PTPRR: variants seen among roughly 807,000 people sequenced by gnomAD.
The protein encoded by PTPRR is receptor-type tyrosine-protein phosphatase R.
Under a neutral mutation model 77.2 loss-of-function variants are expected in PTPRR, and 38 were observed. The observed-to-expected ratio is 0.49, with a 90% CI of 0.38 to 0.65. The LOEUF is 0.65. Among genes scored for constraint, PTPRR ranks in the 30% least tolerant of loss-of-function variants. The pLI, the probability that PTPRR is intolerant of heterozygous loss-of-function variation, is 0.00. For missense variants in PTPRR, 744 were observed against 799.2 expected, an observed-to-expected ratio of 0.93 and a Z score of 0.83; for synonymous variants, 299 against 283.1, an observed-to-expected ratio of 1.06 and a Z score of -0.57.
chr12:70,914,850 C>CAACAAA (rs1440442265), intron 1 of PTPRR, among the ~76,000 whole-genome samples: 2 of 151,826 alleles, frequency 1.3e-5, no homozygotes, highest in Admixed American at 1.3e-4. Flanking sequence ...ACAACAACAA[C>CAACAAA]AACAAAAACA....
intron 2 of PTPRR, among the ~76,000 whole-genome samples, chr12:70,863,869 T>A (rs1226741388): frequency 1.3e-5 from 2 of 152,162 alleles, no homozygotes; most frequent in Admixed American, 1.3e-4. Flanking sequence ...AACTCTTGGT[T>A]GCCTGTGATC....
At position 70,890,779 on chromosome 12, in the gene PTPRR, A is replaced by G. The variant is rs1319465271; in HGVS notation, c.357+1900T>C. 2.6e-5 allele frequency among the ~76,000 whole-genome samples: 4 copies of G among 152,110 alleles called. No homozygotes were observed. In the East Asian group the frequency reaches 7.7e-4, roughly 29 times the overall value. The stretch of plus-strand genomic sequence containing the variant: ...TCATGTACATATGATAAGCACAAAC[A>G]CACATCAATTATTCCATTAAAGTCA... On this transcript the variant is annotated intron_variant, in intron 2 of 13. Coordinates refer to ENST00000283228, the MANE Select transcript of PTPRR (RefSeq NM_002849.4).
chr12:70,844,445 C>T (rs561809365), intron 2 of PTPRR, among the ~76,000 whole-genome samples: 1 of 152,140 alleles, frequency 6.6e-6, no homozygotes, highest in South Asian at 2.1e-4. Context: ...GATCATATCA[C>T]ATAAGAAGGT....
intron 2 of PTPRR, among the ~76,000 whole-genome samples, chr12:70,841,488 T>C (rs1418864873): frequency 6.6e-6 from 1 of 152,110 alleles, no homozygotes; most frequent in Non-Finnish European, 1.5e-5. Flanking sequence ...TTCTAGAACT[T>C]AAGTCTCACA....
chr12:70,898,440 CATT>C (rs1249337578), intron 1 of PTPRR, among the ~76,000 whole-genome samples: 1 of 149,632 alleles, frequency 6.7e-6, no homozygotes, highest in Admixed American at 6.7e-5. Context: ...TTTTCATCAT[CATT>C]TAGTCTTTTT....
chr12:70,714,564 T>TTA (rs894684803), intron 6 of PTPRR, among the ~76,000 whole-genome samples: 117 of 152,216 alleles, frequency 7.7e-4, no homozygotes, highest in African/African-American at 2.8e-3. Context: ...AAATGCACAA[T>TTA]TATATATATA....
At chr12:70,672,780 A>G (rs571059648) in intron 10 of PTPRR, 34 of 1,559,784 alleles carry the variant, frequency 2.2e-5, no homozygotes, top group Non-Finnish European at 2.8e-5. Flanking sequence ...TATTCAGGAA[A>G]CCTTCTGTCT....
At chr12:70,655,806 G>T (rs1886554191) in intron 13 of PTPRR, among the ~76,000 whole-genome samples, 1 of 152,146 alleles carries the variant, frequency 6.6e-6, no homozygotes, top group African/African-American at 2.4e-5. Context: ...CCAGAGATTG[G>T]TTGTACAACA....
rs569315059 is a variant in PTPRR at position 70,869,805 on chromosome 12, G to A, written c.357+22874C>T. Reference sequence around the variant, plus strand: ...AACCAATTTTTCCCCTAGAATCTCCGGAAGGAATTAGCCTTGTAGACACCT... The same window carrying A: ...AACCAATTTTTCCCCTAGAATCTCCAGAAGGAATTAGCCTTGTAGACACCT... On this transcript the variant is annotated intron_variant, in intron 2 of 13. Coordinates refer to ENST00000283228, the MANE Select transcript of PTPRR (RefSeq NM_002849.4). Among the ~76,000 whole-genome samples, 81 of 152,218 alleles carry A rather than the reference G, an allele frequency of 5.3e-4. 1 individual carries two copies. The highest frequency in any genetic ancestry group is 1.7e-3 in the African/African-American group (72 of 41,532).
At position 70,658,798 on chromosome 12, in the gene PTPRR, T is replaced by C. The variant is rs117613536; in HGVS notation, c.1767-1981A>G. ...TCAGAAAAATTCACATAAGTTTACATACTCAAATGTGTCCAAATAATTTCA... is the reference window on the plus strand; with the variant it reads ...TCAGAAAAATTCACATAAGTTTACACACTCAAATGTGTCCAAATAATTTCA... On this transcript the variant is annotated intron_variant, in intron 12 of 13. Coordinates refer to ENST00000283228, the MANE Select transcript of PTPRR (RefSeq NM_002849.4). 3.0e-3 allele frequency among the ~76,000 whole-genome samples: 443 copies of C among 148,210 alleles called. 2 individuals carry two copies. Among genetic ancestry groups the C allele is most frequent in the South Asian group, 5.2e-3 (24 of 4,582 alleles).
chr12:70,765,839 C>T (rs1404592574), intron 2 of PTPRR, among the ~76,000 whole-genome samples: 2 of 152,208 alleles, frequency 1.3e-5, no homozygotes, highest in African/African-American at 4.8e-5. Context: ...GATCAGACAG[C>T]AGCATTCGCA....
At chr12:70,829,817 G>C (rs1892180503) in intron 2 of PTPRR, among the ~76,000 whole-genome samples, 2 of 152,070 alleles carry the variant, frequency 1.3e-5, no homozygotes, top group African/African-American at 4.8e-5. Flanking sequence ...AGAAAGTAAG[G>C]ACTTTCTATG....
At chr12:70,792,342 G>T (rs1891435736) in intron 2 of PTPRR, among the ~76,000 whole-genome samples, 1 of 152,128 alleles carries the variant, frequency 6.6e-6, no homozygotes, top group South Asian at 2.1e-4. Context: ...CTAATAAATG[G>T]CAGAATTAGG....
Position 70,918,886 on chromosome 12 carries a change from G to A in PTPRR, c.58+1447C>T, listed in dbSNP as rs564776976. The stretch of plus-strand genomic sequence containing the variant: ...ACATTTCAGCATTGAAGAATTGTAT[G>A]TGGTAACGAAATAATTCACTACAGC... On this transcript the variant is annotated intron_variant, in intron 1 of 13. Coordinates refer to ENST00000283228, the MANE Select transcript of PTPRR (RefSeq NM_002849.4). Among the ~76,000 whole-genome samples the A allele has an allele frequency of 3.8e-4, 58 of 152,312 alleles. No homozygotes were observed. In the South Asian group the frequency reaches 4.8e-3, roughly 13 times the overall value.
chr12:70,774,576 G>C (rs1205343790), intron 2 of PTPRR, among the ~76,000 whole-genome samples: 1 of 152,174 alleles, frequency 6.6e-6, no homozygotes, highest in African/African-American at 2.4e-5. Flanking sequence ...CTGGTTCATT[G>C]CATCAAAACA....
intron 2 of PTPRR, among the ~76,000 whole-genome samples, chr12:70,815,710 TTA>T (rs1891891115): frequency 6.6e-6 from 1 of 152,164 alleles, no homozygotes; most frequent in East Asian, 1.9e-4. Context: ...CTGACTGAAA[TTA>T]TATGTTTTGA....
chr12:70,757,551 GAAAAC>G (rs1258162437), intron 4 of PTPRR, among the ~76,000 whole-genome samples: 1 of 151,998 alleles, frequency 6.6e-6, no homozygotes, highest in Non-Finnish European at 1.5e-5. Context: ...GATTACAAAT[GAAAAC>G]AAATGACTAA....
intron 2 of PTPRR, among the ~76,000 whole-genome samples, chr12:70,842,386 T>C (rs991661009): frequency 6.6e-6 from 1 of 152,210 alleles, no homozygotes; most frequent in African/African-American, 2.4e-5. Context: ...ATGACATGCA[T>C]GTTGGTTTCC....
chr12:70,730,973 G>A (rs1038719454), intron 6 of PTPRR, among the ~76,000 whole-genome samples: 1 of 149,372 alleles, frequency 6.7e-6, no homozygotes, highest in African/African-American at 2.5e-5. Context: ...GAGGAAGTGA[G>A]GAGGAAGGAG....
Sources: gnomAD v4.1 joint callset for allele counts (sites outside exome capture counted in the v4.1 genomes callset) on GRCh38, gnomAD v4.1.1 for gene constraint, MANE v1.5 for transcripts, NCBI Gene and HGNC (gene_info 2026-07-23, HGNC 2026-07-21) for gene names.